The following MAP2K4 variants were observed in gnomAD, a reference collection of about 807,000 sequenced individuals.
MAP2K4 encodes dual specificity mitogen-activated protein kinase kinase 4.
A neutral mutation model predicts 48.5 loss-of-function variants in MAP2K4; 4 were observed. The observed-to-expected ratio is 0.08, with a 90% CI of 0.04 to 0.19. MAP2K4 has a LOEUF of 0.19. Ranked by LOEUF, MAP2K4 falls within the 10% of genes least tolerant of loss-of-function variation. The pLI is 1.00. For missense variants in MAP2K4, 258 were observed against 493.3 expected, an observed-to-expected ratio of 0.52 and a Z score of 4.52; for synonymous variants, 166 against 173.1, an observed-to-expected ratio of 0.96 and a Z score of 0.32.
intron 7 of MAP2K4, among the ~76,000 whole-genome samples, chr17:12,117,279 C>T (rs781014370): frequency 3.9e-5 from 6 of 151,974 alleles, no homozygotes; most frequent in Admixed American, 6.6e-5. Context: ...ATGCAAAGCC[C>T]GAAATGCTCC....
chr17:12,042,873 C>G (rs1228158786), intron 1 of MAP2K4, among the ~76,000 whole-genome samples: 14 of 152,084 alleles, frequency 9.2e-5, no homozygotes, highest in Non-Finnish European at 1.5e-4. Context: ...CAGTGAAACC[C>G]CGCCTCTACT....
chr17:12,065,287 A>AT (rs1287474539), intron 2 of MAP2K4, among the ~76,000 whole-genome samples: 1 of 134,248 alleles, frequency 7.4e-6, no homozygotes, highest in Non-Finnish European at 1.6e-5. Flanking sequence ...TATTATTATT[A>AT]TTATTGGTGT....
intron 7 of MAP2K4, among the ~76,000 whole-genome samples, chr17:12,119,712 A>G (rs1972620206): frequency 2.6e-5 from 4 of 152,232 alleles, no homozygotes; most frequent in Admixed American, 2.6e-4. Context: ...TTGCAGCACT[A>G]TTCACAATAG....
At chr17:12,109,442 T>C (rs1279251002) in intron 5 of MAP2K4, among the ~76,000 whole-genome samples, 1 of 152,232 alleles carries the variant, frequency 6.6e-6, no homozygotes. Flanking sequence ...AACAAATTTA[T>C]GTGTTCTACA....
intron 1 of MAP2K4, chr17:12,026,771 G>T (rs1969266037): frequency 6.6e-6 from 1 of 152,170 alleles, no homozygotes; most frequent in Non-Finnish European, 1.5e-5. Flanking sequence ...TTCAGTCAGG[G>T]GGCGGAAGCT....
intron 8 of MAP2K4, among the ~76,000 whole-genome samples, chr17:12,127,565 G>A (rs201725683): frequency 1.3e-5 from 2 of 152,064 alleles, no homozygotes; most frequent in East Asian, 3.9e-4. Context: ...CTTACAGTTG[G>A]TTCATAATTT....
At chr17:12,034,345 C>T (rs370105102) in intron 1 of MAP2K4, among the ~76,000 whole-genome samples, 7 of 152,196 alleles carry the variant, frequency 4.6e-5, no homozygotes, top group Non-Finnish European at 1.0e-4. Flanking sequence ...GCTGGGACAG[C>T]GGAACCTGTT....
chr17:12,057,055 A>G (rs1342549692), intron 2 of MAP2K4, among the ~76,000 whole-genome samples: 1 of 152,152 alleles, frequency 6.6e-6, no homozygotes. Flanking sequence ...TCTCCTTGGC[A>G]TTTGATGTCT....
intron 1 of MAP2K4, among the ~76,000 whole-genome samples, chr17:12,048,982 A>G (rs1255945552): frequency 1.3e-5 from 2 of 152,084 alleles, no homozygotes; most frequent in Non-Finnish European, 2.9e-5. Flanking sequence ...TTTTGAGCTT[A>G]TGAAATATTA....
intron 1 of MAP2K4, among the ~76,000 whole-genome samples, chr17:12,027,677 A>G (rs1276785545): frequency 6.6e-6 from 1 of 152,112 alleles, no homozygotes. Flanking sequence ...TGATTTTGGC[A>G]GTTTCCCTGG....
At chr17:12,021,172 G>A (rs1446808520) in intron 1 of MAP2K4, among the ~76,000 whole-genome samples, 171 bp downstream of exon 1, 1 of 151,582 alleles carries the variant, frequency 6.6e-6, no homozygotes, top group Non-Finnish European at 1.5e-5. Context: ...CCTCCGGCCC[G>A]GCTTGGATCC....
At chr17:12,030,122 A>C (rs992776613) in intron 1 of MAP2K4, among the ~76,000 whole-genome samples, 1 of 152,006 alleles carries the variant, frequency 6.6e-6, no homozygotes, top group Non-Finnish European at 1.5e-5. Context: ...TAGTGGAGCT[A>C]TTTGGTACTT....
intron 6 of MAP2K4, among the ~76,000 whole-genome samples, chr17:12,111,668 G>T (rs1039449165): frequency 6.6e-6 from 1 of 152,150 alleles, no homozygotes; most frequent in Non-Finnish European, 1.5e-5. Context: ...ACTAAATGAA[G>T]TGATGAGTTT....
chr17:12,084,680 G>A (rs989054483), intron 3 of MAP2K4, among the ~76,000 whole-genome samples: 2 of 152,166 alleles, frequency 1.3e-5, no homozygotes, highest in African/African-American at 4.8e-5. Context: ...CAGCTCTCTG[G>A]CAGGTGGAAA....
At chr17:12,035,952 C>G (rs1383368977) in intron 1 of MAP2K4, among the ~76,000 whole-genome samples, 1 of 152,074 alleles carries the variant, frequency 6.6e-6, no homozygotes, top group East Asian at 1.9e-4. Context: ...TTGCCTGTTA[C>G]AAGTCAGTGG....
chr17:12,042,168 A>AG (rs1969809054), intron 1 of MAP2K4, among the ~76,000 whole-genome samples: 1 of 10,948 alleles, frequency 9.1e-5, no homozygotes, highest in Non-Finnish European at 7.5e-4. Flanking sequence ...ACTTTGTCTC[A>AG]AAAAAAAAAA....
intron 6 of MAP2K4, chr17:12,112,993 A>G (rs1292990929): frequency 3.2e-6 from 1 of 313,026 alleles, no homozygotes; most frequent in East Asian, 4.8e-5. Flanking sequence ...TTACAGATTA[A>G]TGTTTGTGAA....
rs869236138 is a variant in MAP2K4 at position 12,051,925 on chromosome 17, TAA to T, written c.116-2953_116-2952del. ...TGGGAGAGGAGAAGATGCCTTTTTT[TAA>T]AAAAAAAAAAGCTCATGCCTCCAGG... is the stretch of plus-strand genomic sequence containing the variant. On this transcript the variant is annotated intron_variant, in intron 1 of 10. Transcript: ENST00000353533. 5.5e-3 allele frequency among the ~76,000 whole-genome samples: 791 copies of T among 144,422 alleles called. 7 individuals carry two copies. Among genetic ancestry groups the T allele is most frequent in the African/African-American group, 0.019 (756 of 39,664 alleles). 94.7% of individuals were successfully genotyped at this position (144,422 alleles called of 152,430 possible).
chr17:12,098,153 TA>T (rs1567658961), intron 4 of MAP2K4, among the ~76,000 whole-genome samples: 1 of 152,100 alleles, frequency 6.6e-6, no homozygotes, highest in African/African-American at 2.4e-5. Context: ...GAGTGAATAG[TA>T]AAAGTGTATT....
Sources: gnomAD v4.1 joint callset for allele counts (sites outside exome capture counted in the v4.1 genomes callset) on GRCh38, gnomAD v4.1.1 for gene constraint, MANE v1.5 for transcripts, NCBI Gene and HGNC (gene_info 2026-07-23, HGNC 2026-07-21) for gene names.